HMGCLL1: variants seen among roughly 807,000 people sequenced by gnomAD.
HMGCLL1 encodes the protein 3-hydroxymethyl-3-methylglutaryl-CoA lyase, cytoplasmic.
In HMGCLL1, 36 loss-of-function variants were observed where a neutral mutation model predicts 39.1. The ratio of observed to expected loss-of-function variants is 0.92; its 90% confidence interval spans 0.71 to 1.22. The LOEUF is 1.22. Among genes scored for constraint, HMGCLL1 ranks in the 50% most tolerant of loss-of-function variants. HMGCLL1 has a pLI of 0.00. For missense variants in HMGCLL1, 451 were observed against 416.5 expected (o/e 1.08, Z -0.72); for synonymous variants, 149 against 144.0 (o/e 1.03, Z -0.25).
At position 55,447,413 on chromosome 6, in the gene HMGCLL1, A is replaced by G. The variant is rs144613669; in HGVS notation, c.796-7854T>C. On this transcript the variant is annotated intron_variant, in intron 7 of 8. Transcript: ENST00000274901. The stretch of plus-strand genomic sequence containing the variant: ...CAAAGAGAGAGAGCTATGTTGAGGA[A>G]TGACTAAGCTAATGTGATTATTAAT... Among the ~76,000 whole-genome samples, 6 of 152,156 alleles carry G rather than the reference A, an allele frequency of 3.9e-5. No homozygotes were observed. The East Asian group carries it at 1.2e-3, about 29-fold the overall frequency.
chr6:55,547,789 A>C (rs1032239990), intron 1 of HMGCLL1, among the ~76,000 whole-genome samples: 1 of 152,066 alleles, frequency 6.6e-6, no homozygotes, highest in Non-Finnish European at 1.5e-5. Flanking sequence ...ATTTTGTGGT[A>C]ATGTTAAACT....
At chr6:55,530,527 G>A (rs1768602487) in intron 3 of HMGCLL1, among the ~76,000 whole-genome samples, 1 of 151,838 alleles carries the variant, frequency 6.6e-6, no homozygotes, top group African/African-American at 2.4e-5. Flanking sequence ...ATTTTTAAAA[G>A]CAAAATAAAA....
At chr6:55,666,967 A>T in the HMGCLL1 span, among the ~76,000 whole-genome samples, 1 of 151,620 alleles carries the variant, frequency 6.6e-6, no homozygotes, top group African/African-American at 2.4e-5. Context: ...GCTCCTGCAC[A>T]TCATGTTCTT....
At chr6:55,594,995 A>G in the HMGCLL1 span, among the ~76,000 whole-genome samples, 1 of 152,156 alleles carries the variant, frequency 6.6e-6, no homozygotes, top group African/African-American at 2.4e-5. Flanking sequence ...TTGGCTTTTA[A>G]TTTCTGTTAA....
intron 1 of HMGCLL1, among the ~76,000 whole-genome samples, chr6:55,552,122 AAAAC>A (rs1487061479): frequency 6.6e-5 from 10 of 152,014 alleles, no homozygotes; most frequent in Non-Finnish European, 2.9e-5. Context: ...CAGGGATCCA[AAAAC>A]AAACAAACAC....
chr6:55,515,305 A>G (rs955580124), intron 4 of HMGCLL1, among the ~76,000 whole-genome samples: 8 of 151,866 alleles, frequency 5.3e-5, no homozygotes, highest in African/African-American at 1.7e-4. Flanking sequence ...CTATCTTTTC[A>G]TCTTTCCTCA....
At chr6:55,629,794 C>A in the HMGCLL1 span, among the ~76,000 whole-genome samples, 176 of 152,250 alleles carry the variant, frequency 1.2e-3, 1 homozygote, top group African/African-American at 4.0e-3. Flanking sequence ...AAGCCTCAAG[C>A]CTTGGCTGCT....
chr6:55,460,825 AT>A (rs1476461338), intron 7 of HMGCLL1, among the ~76,000 whole-genome samples: 1 of 151,918 alleles, frequency 6.6e-6, no homozygotes, highest in Non-Finnish European at 1.5e-5. Flanking sequence ...TGGTGTCAGT[AT>A]TTTTTAACCC....
intron 1 of HMGCLL1, among the ~76,000 whole-genome samples, chr6:55,553,835 G>C (rs1307690662): frequency 6.6e-6 from 1 of 152,132 alleles, no homozygotes; most frequent in Non-Finnish European, 1.5e-5. Context: ...GTTGATAGTA[G>C]AGCAGATTAC....
intron 5 of HMGCLL1, chr6:55,513,314 A>C (rs1174143069): frequency 6.6e-6 from 1 of 152,156 alleles, no homozygotes; most frequent in Non-Finnish European, 1.5e-5. Flanking sequence ...CCTGTAATCA[A>C]CATCTCTTAG....
intron 7 of HMGCLL1, among the ~76,000 whole-genome samples, chr6:55,477,624 G>C (rs1017025216): frequency 9.0e-5 from 13 of 144,228 alleles, no homozygotes; most frequent in Non-Finnish European, 1.8e-4. Flanking sequence ...TGGGGGAATA[G>C]ATAAGTAAAT....
chr6:55,460,116 G>C (rs1764492451), intron 7 of HMGCLL1, among the ~76,000 whole-genome samples: 1 of 151,864 alleles, frequency 6.6e-6, no homozygotes, highest in African/African-American at 2.4e-5. Context: ...TATATATCAA[G>C]GGTTTTGAAC....
At chr6:55,552,212 T>G (rs1174570444) in intron 1 of HMGCLL1, among the ~76,000 whole-genome samples, 1 of 152,036 alleles carries the variant, frequency 6.6e-6, no homozygotes, top group Non-Finnish European at 1.5e-5. Context: ...CGTAGTGATC[T>G]ATCTCTGTAG....
At chr6:55,611,195 A>G in the HMGCLL1 span, among the ~76,000 whole-genome samples, 3 of 152,210 alleles carry the variant, frequency 2.0e-5, no homozygotes, top group Admixed American at 1.3e-4. Flanking sequence ...ACAAATCAAG[A>G]AGTTCTTTGA....
At chr6:55,650,881 CTCT>C in the HMGCLL1 span, among the ~76,000 whole-genome samples, 1 of 151,890 alleles carries the variant, frequency 6.6e-6, no homozygotes, top group South Asian at 2.1e-4. Flanking sequence ...AGCCCAAAGG[CTCT>C]TCTGTCAGCT....
intron 7 of HMGCLL1, among the ~76,000 whole-genome samples, chr6:55,490,906 C>T (rs951621024): frequency 6.6e-6 from 1 of 150,792 alleles, no homozygotes; most frequent in Non-Finnish European, 1.5e-5. Context: ...TTTTTTTTAC[C>T]ACTGATATAA....
At chr6:55,587,586 C>G in the HMGCLL1 span, among the ~76,000 whole-genome samples, 1 of 152,004 alleles carries the variant, frequency 6.6e-6, no homozygotes, top group African/African-American at 2.4e-5. Context: ...ACTAAATGCT[C>G]CAATTAAAAG....
intron 7 of HMGCLL1, among the ~76,000 whole-genome samples, chr6:55,481,796 A>AGC (rs1765762970): frequency 6.7e-6 from 1 of 149,618 alleles, no homozygotes; most frequent in Non-Finnish European, 1.5e-5. Context: ...TTATCTATCT[A>AGC]TCTACCTACC....
the HMGCLL1 span, among the ~76,000 whole-genome samples, chr6:55,647,981 C>T: frequency 1.8e-5 from 2 of 113,862 alleles, no homozygotes; most frequent in East Asian, 5.0e-4. Context: ...CAAGTGATCT[C>T]ATTGTTCAAT....
Sources: allele counts gnomAD v4.1 joint callset (sites outside exome capture counted in the v4.1 genomes callset), GRCh38; gene constraint gnomAD v4.1.1; transcripts MANE v1.5; gene names NCBI Gene and HGNC (gene_info 2026-07-23, HGNC 2026-07-21).